ILK: variants seen among roughly 807,000 people sequenced by gnomAD.
The protein encoded by ILK is integrin linked kinase, also known as scaffold protein ILK.
ILK carries 37 observed loss-of-function variants against 57.8 expected under a neutral mutation model. The observed-to-expected ratio is 0.64, with a 90% CI of 0.49 to 0.84. The LOEUF (loss-of-function observed/expected upper bound fraction) is 0.84, where lower values mean the gene tolerates loss of function less well. Among genes scored for constraint, ILK ranks in the 40% least tolerant of loss-of-function variants. The probability of loss-of-function intolerance (pLI) is 0.00; values close to 1 mark genes in which losing one functional copy is unlikely to be tolerated. For synonymous variants in ILK, 231 were observed against 202.2 expected (o/e 1.14, Z -1.21); for missense variants, 528 against 595.7 (o/e 0.89, Z 1.18).
Position 6,609,920 on chromosome 11 carries a change from G to A in ILK, c.979-16G>A, listed in dbSNP as rs1564849157. 6.2e-7 allele frequency: 1 copy of A among 1,614,138 alleles called. No individual in the cohort carries two copies. The highest frequency in any genetic ancestry group is 1.1e-5 in the South Asian group (1 of 91,088). Reference sequence around the variant, plus strand: ...ATCTATGACTTACCTCCTTCTATCTGTTTTCTCTTCCTCAGATTGATGAGG... The same window carrying A: ...ATCTATGACTTACCTCCTTCTATCTATTTTCTCTTCCTCAGATTGATGAGG... On this transcript the variant is annotated splice_polypyrimidine_tract_variant and intron_variant, in intron 10 of 12. Transcript: ENST00000299421.
Position 6,609,846 on chromosome 11 carries a change from G to C in ILK, c.978+1G>C. On this transcript the variant is annotated splice_donor_variant, in intron 10 of 12. Coordinates refer to ENST00000299421, the MANE Select transcript of ILK (RefSeq NM_004517.4). LOFTEE classifies it high-confidence loss of function. ...TGCACTCAATAGCCGTAGTGTAATG[G>C]TGAGGCCACAAGCTCACTCCTGGCC... 6.2e-7 allele frequency: 1 copy of C among 1,614,202 alleles called. No homozygotes were observed. The highest frequency in any genetic ancestry group is 8.5e-7 in the Non-Finnish European group (1 of 1,180,024).
rs746075486 is a variant in ILK at position 6,609,055 on chromosome 11, C to T, written c.533-16C>T. The T allele has an allele frequency of 5.6e-6, 9 of 1,613,190 alleles. No homozygotes were observed. In the Admixed American group the frequency reaches 1.0e-4, roughly 18 times the overall value. On this transcript the variant is annotated splice_polypyrimidine_tract_variant and intron_variant, in intron 6 of 12. Coordinates refer to ENST00000299421, the MANE Select transcript of ILK (RefSeq NM_004517.4). ...GTTAGGGTGAAGCTGGGTACCTGAC[C>T]TGCCCACACTCTTAGGAAATGGAAC...
At chr11:6,606,372 C>T (rs1363932014) in intron 2 of ILK, 4 of 152,200 alleles carry the variant, frequency 2.6e-5, no homozygotes, top group Admixed American at 2.0e-4. Flanking sequence ...CACCTGTCAT[C>T]TTAGTCTAGA....
chr11:6,608,021 A>T lies in ILK; in HGVS notation c.90-25A>T. On this transcript the variant is annotated intron_variant, in intron 2 of 12. Transcript: ENST00000299421. This position sits in a 1 kb window ranked among gnomAD's most constrained non-coding sequence, Gnocchi z 4.9. ...CTTTGCCCCATCCCACCTCCAGCTC[A>T]ATGACCATTGCCCCTTCCTCAAAGG... 6.2e-7 allele frequency: 1 copy of T among 1,613,196 alleles called. No individual in the cohort carries two copies. The highest frequency in any genetic ancestry group is 8.5e-7 in the Non-Finnish European group (1 of 1,179,744).
rs894146530 is a variant in ILK at position 6,608,247 on chromosome 11, C to T, written c.255+36C>T. On this transcript the variant is annotated intron_variant, in intron 3 of 12. Coordinates refer to ENST00000299421, the MANE Select transcript of ILK (RefSeq NM_004517.4). This position sits in a 1 kb window ranked among gnomAD's most constrained non-coding sequence, Gnocchi z 4.9. ...ACTCCTTCGTCATCCACATCACATA[C>T]ATGCCATGAGGGTCAGTCACAGGCA... 3 of 1,610,436 alleles carry T rather than the reference C, an allele frequency of 1.9e-6. No homozygotes were observed. Among genetic ancestry groups the T allele is most frequent in the African/African-American group, 2.7e-5 (2 of 74,856 alleles).
chr11:6,610,289 A>C lies in ILK; in HGVS notation c.1209+11A>C. On this transcript the variant is annotated intron_variant, in intron 12 of 12. Transcript: ENST00000299421. The stretch of plus-strand genomic sequence containing the variant: ...GAGATTGGAATGAAGGTGAGAGCAC[A>C]ACAGCATACATTTGTGTTGCGGGAG... The C allele has an allele frequency of 6.8e-6, 11 of 1,614,154 alleles. No individual in the cohort carries two copies. Among genetic ancestry groups the C allele is most frequent in the Non-Finnish European group, 9.3e-6 (11 of 1,180,044 alleles).
At chr11:6,604,142 G>A in intron 1 of ILK, 38 bp from the exon 2 acceptor site, 1 of 842,906 alleles carries the variant, frequency 1.2e-6, no homozygotes, top group South Asian at 1.4e-5. Context: ...ACGCAGCTCA[G>A]GCCCCCTACC....
At chr11:6,607,710 G>A (rs1855068538) in intron 2 of ILK, 1 of 367,056 alleles carries the variant, frequency 2.7e-6, no homozygotes, top group Non-Finnish European at 5.2e-6. Flanking sequence ...GGACATATAA[G>A]ATGTGGTGGA....
In ILK at chr11:6,608,373, T is replaced by C; in HGVS notation, c.256-21T>C. On this transcript the variant is annotated intron_variant, in intron 3 of 12. Coordinates refer to ENST00000299421, the MANE Select transcript of ILK (RefSeq NM_004517.4). The surrounding 1 kb of genome is among the most constrained non-coding windows in gnomAD (Gnocchi z 4.9). Reference sequence around the variant, plus strand: ...TGACTGTACTTTCTGCCTCTTCTTTTTGTCTGGCCATGGGGTCCAGCTATT... The same window carrying C: ...TGACTGTACTTTCTGCCTCTTCTTTCTGTCTGGCCATGGGGTCCAGCTATT... 1 of 1,611,070 alleles carries C rather than the reference T, an allele frequency of 6.2e-7. No individual in the cohort carries two copies. Among genetic ancestry groups the C allele is most frequent in the Non-Finnish European group, 8.5e-7 (1 of 1,177,178 alleles).
intron 12 of ILK, 24 bp downstream of exon 12, chr11:6,610,302 T>TG: frequency 6.2e-7 from 1 of 1,614,096 alleles, no homozygotes; most frequent in Non-Finnish European, 8.5e-7. Flanking sequence ...AGCATACATT[T>TG]GTGTTGCGGG....
At chr11:6,609,249 AG>A (rs752310565) in intron 7 of ILK, 49 bp from the exon 8 acceptor site, 1 of 1,603,424 alleles carries the variant, frequency 6.2e-7, no homozygotes, top group Non-Finnish European at 8.5e-7. Context: ...TTAGTGGGCA[AG>A]GAAGTGGCAG....
rs754163187 is a variant in ILK at position 6,610,206 on chromosome 11, A to G, written c.1137A>G (p.Ala379=). Reference sequence around the variant, plus strand: ...GCTCAGCAGACATGTGGAGTTTTGCAGTGCTTCTGTGGGAACTGGTGACAC... The same window carrying G: ...GCTCAGCAGACATGTGGAGTTTTGCGGTGCTTCTGTGGGAACTGGTGACAC... ...NRRSADMWSF[A]VLLWELVTRE... Residue 379 remains alanine (A), a synonymous_variant, in exon 12 of 13, where the codon GCA becomes GCG. Transcript: ENST00000299421. The G allele has an allele frequency of 1.2e-6, 2 of 1,614,086 alleles. No homozygotes were observed. The highest frequency in any genetic ancestry group is 1.7e-6 in the Non-Finnish European group (2 of 1,180,030).
At chr11:6,605,946 C>G (rs1854861800) in intron 2 of ILK, among the ~76,000 whole-genome samples, 1 of 152,138 alleles carries the variant, frequency 6.6e-6, no homozygotes, top group Non-Finnish European at 1.5e-5. Context: ...GAGGCCGAGG[C>G]TGGTGGATCA....
At position 6,610,688 on chromosome 11, in the gene ILK, C is replaced by A; in HGVS notation, c.*77C>A. 1 of 1,561,730 alleles carries A rather than the reference C, an allele frequency of 6.4e-7. No homozygotes were observed. The highest frequency in any genetic ancestry group is 8.8e-7 in the Non-Finnish European group (1 of 1,135,838). ...AATGCACCTCCCCAAAGCAGCAGGC[C>A]TCTGGTTGCCTCCCCCGCCTCCAGT... On this transcript the variant is annotated 3_prime_UTR_variant, in exon 13 of 13. Coordinates refer to ENST00000299421, the MANE Select transcript of ILK (RefSeq NM_004517.4).
At chr11:6,610,310 G>C in intron 12 of ILK, 32 bp downstream of exon 12, 1 of 1,613,948 alleles carries the variant, frequency 6.2e-7, no homozygotes, top group South Asian at 1.1e-5. Flanking sequence ...TTTGTGTTGC[G>C]GGAGTGGTTG....
At chr11:6,605,865 A>G (rs1223880954) in intron 2 of ILK, among the ~76,000 whole-genome samples, 1 of 152,348 alleles carries the variant, frequency 6.6e-6, no homozygotes, top group East Asian at 1.9e-4. Context: ...TGCTCTCGAT[A>G]CAGCAGATTT....
intron 1 of ILK, 152 bp downstream of exon 1, chr11:6,603,974 A>G (rs1364519367): frequency 1.9e-6 from 1 of 532,922 alleles, no homozygotes; most frequent in Non-Finnish European, 3.4e-6. Context: ...CTGTTCGCGG[A>G]TAGGGTCTAG....
intron 2 of ILK, among the ~76,000 whole-genome samples, chr11:6,605,848 T>A (rs1854847452): frequency 6.6e-6 from 1 of 152,202 alleles, no homozygotes; most frequent in Non-Finnish European, 1.5e-5. Context: ...GAATCTGACA[T>A]AATCTCTGCT....
At position 6,607,834 on chromosome 11, in the gene ILK, T is replaced by A. The variant is rs904219056; in HGVS notation, c.90-212T>A. ...ATGGTGAAGATAACACATTTTTTTA[T>A]AGAGGTTGTTGAGATATCTAGGTGG... On this transcript the variant is annotated intron_variant, in intron 2 of 12. Transcript: ENST00000299421. 8.5e-6 allele frequency: 5 copies of A among 585,732 alleles called. No homozygotes were observed. In the Admixed American group the frequency reaches 1.2e-4, roughly 14 times the overall value. The allele number at this position is 585,732 out of a possible 1,614,324, so 36.3% of individuals were successfully genotyped here.
Sources: gnomAD v4.1 joint callset for allele counts (sites outside exome capture counted in the v4.1 genomes callset) on GRCh38, gnomAD v4.1.1 for gene constraint, Gnocchi (gnomAD v3.1) non-coding constraint, MANE v1.5 for transcripts, NCBI Gene and HGNC (gene_info 2026-07-23, HGNC 2026-07-21) for gene names.